Variants in EXOC3 observed in about 807,000 individuals in gnomAD.
EXOC3 encodes the protein SEC6-like 1.
EXOC3 carries 21 observed loss-of-function variants against 73.7 expected under a neutral mutation model. The ratio of observed to expected loss-of-function variants is 0.29; its 90% CI spans 0.20 to 0.41. The LOEUF (loss-of-function observed/expected upper bound fraction) is 0.41, where lower values mean the gene tolerates loss of function less well. Ranked by LOEUF, EXOC3 falls within the 10% of genes least tolerant of loss-of-function variation. The pLI is 1.00. For synonymous variants in EXOC3, 410 were observed against 389.1 expected (o/e 1.05, Z -0.63); for missense variants, 842 against 985.1 (o/e 0.85, Z 1.95).
intron 9 of EXOC3, 51 bp downstream of exon 9, chr5:462,358 T>A: frequency 1.3e-6 from 2 of 1,597,710 alleles, no homozygotes; most frequent in Non-Finnish European, 1.7e-6. Flanking sequence ...GCCCAGTGCT[T>A]CCTCACTGCC....
chr5:447,610 CAT>C lies in EXOC3; in HGVS notation c.223_224del (p.Ile75ProfsTer19). On this transcript the variant is annotated frameshift_variant, in exon 3 of 13. Transcript: ENST00000512944. LOFTEE classifies it high-confidence loss of function. ...ACAACGCCCTGAATGACGTCAAAGACATCCAGCAGTCGCTGGCAGACGTCAGC... is the reference window on the plus strand; with the variant it reads ...ACAACGCCCTGAATGACGTCAAAGACCCAGCAGTCGCTGGCAGACGTCAGC... ...LHNALNDVKDIQQSLADVSKD... is the reference protein window; with the variant it reads ...LHNALNDVKDXQQSLADVSKD... 1 of 1,588,216 alleles carries C rather than the reference CAT, an allele frequency of 6.3e-7. No individual in the cohort carries two copies.
chr5:464,571 C>A, intron 10 of EXOC3, 159 bp downstream of exon 10: 1 of 694,052 alleles, frequency 1.4e-6, no homozygotes. Context: ...CGCCACCTCC[C>A]TGGGACGGGG....
intron 10 of EXOC3, chr5:464,818 C>A (rs1231237182): frequency 2.0e-6 from 1 of 498,648 alleles, no homozygotes; most frequent in African/African-American, 1.9e-5. Flanking sequence ...CAGCAGCAGC[C>A]ACTGACACGG....
At chr5:455,373 A>T (rs1446850954) in intron 4 of EXOC3, among the ~76,000 whole-genome samples, 2 of 152,090 alleles carry the variant, frequency 1.3e-5, no homozygotes, top group Non-Finnish European at 2.9e-5. Flanking sequence ...GAGTTCCATC[A>T]CCCCGGCCTT....
At chr5:458,088 TTACAAAGTGACACAGA>T in intron 6 of EXOC3, 63 bp downstream of exon 6, 1 of 1,542,942 alleles carries the variant, frequency 6.5e-7, no homozygotes, top group Non-Finnish European at 8.8e-7. Flanking sequence ...CCTGTAGGTT[TTACAAAGTGACACAGA>T]TACCTGGGAT....
At chr5:455,896 G>T (rs1737796433) in intron 4 of EXOC3, among the ~76,000 whole-genome samples, 1 of 152,246 alleles carries the variant, frequency 6.6e-6, no homozygotes, top group African/African-American at 2.4e-5. Flanking sequence ...GAGCCACCAT[G>T]CCCGGCTGAT....
chr5:449,118 G>C (rs774659818), intron 3 of EXOC3, among the ~76,000 whole-genome samples: 1 of 152,250 alleles, frequency 6.6e-6, no homozygotes, highest in Non-Finnish European at 1.5e-5. Context: ...ATCCACAGCA[G>C]TTGAAAATAA....
chr5:460,256 G>C (rs142728194), intron 7 of EXOC3, among the ~76,000 whole-genome samples: 1 of 152,188 alleles, frequency 6.6e-6, no homozygotes, highest in Non-Finnish European at 1.5e-5. Flanking sequence ...CTGGTAAGCC[G>C]AATAGCCCCT....
At chr5:448,788 A>G (rs1737576256) in intron 3 of EXOC3, among the ~76,000 whole-genome samples, 1 of 152,126 alleles carries the variant, frequency 6.6e-6, no homozygotes, top group African/African-American at 2.4e-5. Context: ...AGCATTGCCG[A>G]GCACCTTGTC....
At chr5:447,260 A>C in intron 2 of EXOC3, 1 of 381,348 alleles carries the variant, frequency 2.6e-6, no homozygotes, top group East Asian at 5.0e-5. Flanking sequence ...GTCCAGGATC[A>C]CCAGGTGTGA....
chr5:444,504 G>C (rs114572165), intron 1 of EXOC3, among the ~76,000 whole-genome samples: 137 of 152,302 alleles, frequency 9.0e-4, no homozygotes, highest in African/African-American at 3.1e-3. Flanking sequence ...TTATTATCCA[G>C]CCCTATAATC....
intron 4 of EXOC3, among the ~76,000 whole-genome samples, chr5:455,336 T>G (rs1360050916): frequency 5.9e-5 from 9 of 152,238 alleles, no homozygotes. Context: ...ACGTTGTGAG[T>G]GTTTTTCTGT....
At chr5:462,352 A>G (rs1180602370) in intron 9 of EXOC3, 45 bp downstream of exon 9, 2 of 1,608,354 alleles carry the variant, frequency 1.2e-6, no homozygotes, top group African/African-American at 1.3e-5. Flanking sequence ...GCCGAAGCCC[A>G]GTGCTTCCTC....
In EXOC3 at chr5:446,106, AGGTTTTGTACCTAACATTTCTACC is replaced by A; in HGVS notation, c.-56-42_-56-19del. 7.5e-7 allele frequency: 1 copy of A among 1,337,128 alleles called. No homozygotes were observed. The highest frequency in any genetic ancestry group is 2.3e-5 in the East Asian group (1 of 43,274). The allele number at this position is 1,337,128 out of a possible 1,614,324, so 82.8% of individuals were successfully genotyped here. A position where few individuals can be genotyped will look rare whatever the true frequency, so the allele number is the denominator to read the frequency against. On this transcript the variant is annotated intron_variant, in intron 1 of 12. Coordinates refer to ENST00000512944, the MANE Select transcript of EXOC3 (RefSeq NM_007277.5). The stretch of plus-strand genomic sequence containing the variant: ...CTGTGATCACCTGATAGTTTGGGGG[AGGTTTTGTACCTAACATTTCTACC>A]GTCCTAACAACTCCTGCAGTGCACA...
rs578239814 is a variant in EXOC3, at chr5:457,689, C to T, written c.1165-211C>T. ...TCCCTCTTTATCTGTACCAAGGGTT[C>T]CAGTTAAACCCCTGCGGGCTGCTGT... On this transcript the variant is annotated intron_variant, in intron 5 of 12. Transcript: ENST00000512944. The T allele has an allele frequency of 6.1e-4, 321 of 527,206 alleles. 1 individual carries two copies. Among genetic ancestry groups the T allele is most frequent in the Non-Finnish European group, 2.6e-4 (76 of 294,022 alleles). 32.7% of individuals were successfully genotyped at this position (527,206 alleles called of 1,614,324 possible). A position where few individuals can be genotyped will look rare whatever the true frequency, so the allele number is the denominator to read the frequency against.
chr5:465,862 T>C lies in EXOC3; in HGVS notation c.2066+17T>C, dbSNP rs774468045. The C allele has an allele frequency of 8.1e-6, 13 of 1,601,536 alleles. No individual in the cohort carries two copies. The Admixed American group carries it at 1.5e-4, about 19-fold the overall frequency. Reference sequence around the variant, plus strand: ...AGACATCAGGTAAGGGATGCACGTCTTAGAATCCTGCCTTAGAATCCTGGA... The same window carrying C: ...AGACATCAGGTAAGGGATGCACGTCCTAGAATCCTGCCTTAGAATCCTGGA... On this transcript the variant is annotated intron_variant, in intron 12 of 12. Transcript: ENST00000512944.
intron 9 of EXOC3, chr5:462,672 C>T (rs368828669): frequency 9.9e-5 from 21 of 212,054 alleles, no homozygotes; most frequent in Admixed American, 1.6e-4. Context: ...TAGGTACACA[C>T]GCAAAAATCA....
intron 4 of EXOC3, among the ~76,000 whole-genome samples, chr5:455,915 T>C (rs73040706): frequency 0.012 from 1,853 of 152,372 alleles, 49 homozygotes; most frequent in African/African-American, 0.043. Context: ...ATAATAACTT[T>C]CTAATGAAAA....
chr5:445,967 T>C (rs1737494360), intron 1 of EXOC3, among the ~76,000 whole-genome samples, 183 bp from the exon 2 acceptor site: 1 of 152,186 alleles, frequency 6.6e-6, no homozygotes, highest in Non-Finnish European at 1.5e-5. Context: ...GTATAACTTC[T>C]GCATGTTTGT....
Sources: allele counts gnomAD v4.1 joint callset (sites outside exome capture counted in the v4.1 genomes callset), GRCh38; gene constraint gnomAD v4.1.1; transcripts MANE v1.5; gene names NCBI Gene and HGNC (gene_info 2026-07-23, HGNC 2026-07-21).